CCR5AS: variants seen among roughly 807,000 people sequenced by gnomAD.
CCR5AS encodes the protein CCR5 antisense RNA.
intron 1 of CCR5AS, among the ~76,000 whole-genome samples, chr3:46,401,903 T>C (rs1702009091): frequency 6.6e-6 from 1 of 151,980 alleles, no homozygotes; most frequent in Non-Finnish European, 1.5e-5. Context: ...AGTACCTGTA[T>C]GAAAATTTTA....
chr3:46,404,082 T>C (rs1390876914), intron 1 of CCR5AS, among the ~76,000 whole-genome samples: 1 of 152,030 alleles, frequency 6.6e-6, no homozygotes, highest in Non-Finnish European at 1.5e-5. Context: ...AATCAGTAAC[T>C]GGAGCCTCAC....
At position 46,376,814 on chromosome 3, in the gene CCR5AS, A is replaced by G. The variant is rs144384602; in HGVS notation, n.392-5397T>C. ...TCTGGGTCACGTTCACATTTTGAAC[A>G]TGCTGGTTTTCAGTCACTGCACACT... On this transcript the variant is annotated intron_variant and non_coding_transcript_variant, in intron 2 of 3. Coordinates refer to ENST00000451485, the Ensembl canonical transcript of CCR5AS. 2.1e-3 allele frequency among the ~76,000 whole-genome samples: 320 copies of G among 152,330 alleles called. 1 individual carries two copies. The highest frequency in any genetic ancestry group is 7.1e-3 in the African/African-American group (295 of 41,566).
At chr3:46,366,244 T>A (rs1376324538) in intron 3 of CCR5AS, among the ~76,000 whole-genome samples, 1 of 152,194 alleles carries the variant, frequency 6.6e-6, no homozygotes, top group Non-Finnish European at 1.5e-5. Context: ...TGCATAACAC[T>A]TCTTTGCCTT....
intron 2 of CCR5AS, among the ~76,000 whole-genome samples, chr3:46,377,590 G>A (rs888916693): frequency 1.4e-4 from 22 of 152,142 alleles, no homozygotes; most frequent in African/African-American, 5.3e-4. Context: ...GAGAGATAGA[G>A]CTCCAAATGC....
rs1006961199 is a variant in CCR5AS, at chr3:46,391,485, G to A, written n.391+1340C>T. Among the ~76,000 whole-genome samples the A allele has an allele frequency of 5.3e-5, 8 of 152,230 alleles. No homozygotes were observed. In the South Asian group the frequency reaches 8.3e-4, roughly 16 times the overall value. ...ATAAAATGCATATTGAGAATAAGAC[G>A]GCCTTCTGGCACCTCTGGGTCTAGA... On this transcript the variant is annotated intron_variant and non_coding_transcript_variant, in intron 2 of 3. Transcript: ENST00000451485.
chr3:46,368,280 G>A (rs752731512), intron 3 of CCR5AS, among the ~76,000 whole-genome samples: 2 of 152,160 alleles, frequency 1.3e-5, no homozygotes, highest in African/African-American at 2.4e-5. Flanking sequence ...TGGGGTGTCC[G>A]AATGTACTTA....
At chr3:46,379,891 T>A (rs1701801654) in intron 2 of CCR5AS, among the ~76,000 whole-genome samples, 1 of 139,406 alleles carries the variant, frequency 7.2e-6, no homozygotes, top group Non-Finnish European at 1.5e-5. Context: ...AGTGAGACTC[T>A]GTCTCAAAAT....
chr3:46,394,785 TA>T (rs1434107300), intron 1 of CCR5AS, among the ~76,000 whole-genome samples: 1 of 152,100 alleles, frequency 6.6e-6, no homozygotes, highest in Non-Finnish European at 1.5e-5. Context: ...CAGGAAATGG[TA>T]AGTGGCATCT....
chr3:46,367,154 T>A (rs141454974), intron 3 of CCR5AS, among the ~76,000 whole-genome samples: 108 of 152,278 alleles, frequency 7.1e-4, no homozygotes, highest in African/African-American at 2.5e-3. Context: ...GAGTGGCCCT[T>A]ACCTCTGGGT....
intron 2 of CCR5AS, chr3:46,374,241 C>G (rs922268195): frequency 9.9e-6 from 3 of 303,390 alleles, no homozygotes; most frequent in African/African-American, 6.5e-5. Flanking sequence ...ACTCTCCCTT[C>G]ACTCCGAAAG....
At chr3:46,371,536 T>A (rs1701659787) in intron 2 of CCR5AS, 1 of 152,146 alleles carries the variant, frequency 6.6e-6, no homozygotes, top group Non-Finnish European at 1.5e-5. Context: ...AAAAATGAGC[T>A]TTTCTAGGGG....
chr3:46,377,153 T>C (rs1701769772), intron 2 of CCR5AS, among the ~76,000 whole-genome samples: 1 of 152,194 alleles, frequency 6.6e-6, no homozygotes, highest in Non-Finnish European at 1.5e-5. Flanking sequence ...TGCAGTCATG[T>C]CAATTGCTCG....
chr3:46,404,982 A>G (rs1490825183), intron 1 of CCR5AS, among the ~76,000 whole-genome samples: 1 of 152,258 alleles, frequency 6.6e-6, no homozygotes, highest in African/African-American at 2.4e-5. Context: ...AGGAACTCAG[A>G]CCTTCAGAGG....
chr3:46,402,885 T>C (rs1002249040), intron 1 of CCR5AS, among the ~76,000 whole-genome samples: 1 of 152,168 alleles, frequency 6.6e-6, no homozygotes, highest in African/African-American at 2.4e-5. Flanking sequence ...CTCCTCTCCC[T>C]CCTCCCGCCC....
At chr3:46,366,980 C>T (rs956408105) in intron 3 of CCR5AS, among the ~76,000 whole-genome samples, 7 of 152,134 alleles carry the variant, frequency 4.6e-5, no homozygotes, top group Non-Finnish European at 1.0e-4. Flanking sequence ...AAGAGCCCGA[C>T]TGTCTACTGA....
At chr3:46,407,048 C>T (rs967498561) in exon 1 of CCR5AS, 6 of 152,656 alleles carry the variant, frequency 3.9e-5, no homozygotes, top group African/African-American at 1.4e-4. Flanking sequence ...GTAGCTGGTA[C>T]CTGTTACCTA....
intron 2 of CCR5AS, among the ~76,000 whole-genome samples, chr3:46,390,845 GC>G (rs564927406): frequency 1.1e-4 from 17 of 152,242 alleles, no homozygotes; most frequent in African/African-American, 4.1e-4. Flanking sequence ...TAGAAGCCTC[GC>G]CGACAATACC....
At chr3:46,393,547 G>C (rs1701934328) in intron 1 of CCR5AS, among the ~76,000 whole-genome samples, 1 of 150,674 alleles carries the variant, frequency 6.6e-6, no homozygotes, top group Non-Finnish European at 1.5e-5. Flanking sequence ...AAAAATTATA[G>C]GGAAAAGTGT....
chr3:46,402,723 C>T lies in CCR5AS; in HGVS notation n.163+4174G>A, dbSNP rs374142720. The stretch of plus-strand genomic sequence containing the variant: ...GAAATTTTCCAAATTTGTTATTATG[C>T]ATTTAAACAATAATTTTTTGAACTT... On this transcript the variant is annotated intron_variant and non_coding_transcript_variant, in intron 1 of 3. Coordinates refer to ENST00000451485, the Ensembl canonical transcript of CCR5AS. 1.2e-3 allele frequency among the ~76,000 whole-genome samples: 177 copies of T among 152,282 alleles called. 3 individuals are homozygous for T. The highest frequency in any genetic ancestry group is 5.2e-3 in the South Asian group (25 of 4,824).
Sources: gnomAD v4.1 joint callset for allele counts (sites outside exome capture counted in the v4.1 genomes callset) on GRCh38, gnomAD v4.1.1 for gene constraint, MANE v1.5 for transcripts, NCBI Gene and HGNC (gene_info 2026-07-23, HGNC 2026-07-21) for gene names.